Variants in GBE1 observed in about 807,000 individuals in gnomAD.
GBE1 encodes 1,4-alpha-glucan branching enzyme 1, also known as 1,4-alpha-glucan-branching enzyme.
A neutral mutation model predicts 88.8 loss-of-function variants in GBE1; 70 were observed. That is an observed-to-expected ratio of 0.79 (90% CI 0.65 to 0.96). GBE1 has a LOEUF of 0.96. GBE1 is among the 40% of genes least tolerant of loss of function. The probability of loss-of-function intolerance (pLI) is 0.00; values close to 1 mark genes in which losing one functional copy is unlikely to be tolerated. For missense variants in GBE1, 872 were observed against 871.0 expected (o/e 1.00, Z -0.01); for synonymous variants, 284 against 300.1 (o/e 0.95, Z 0.56).
intron 14 of GBE1, among the ~76,000 whole-genome samples, chr3:81,529,972 C>CT (rs1284956255): frequency 1.3e-5 from 2 of 151,702 alleles, no homozygotes; most frequent in Admixed American, 6.6e-5. Flanking sequence ...TTTAGATTTG[C>CT]TTTTTTGAGG....
intron 12 of GBE1, among the ~76,000 whole-genome samples, chr3:81,566,770 T>C (rs908553141): frequency 3.9e-5 from 6 of 152,148 alleles, no homozygotes; most frequent in South Asian, 2.1e-4. Flanking sequence ...TTCACCTGTA[T>C]TCATTTTTGT....
rs1303031347 is a variant in GBE1, at chr3:81,499,114, A to G, written c.2048T>C (p.Leu683Pro). 2 of 1,555,372 alleles carry G rather than the reference A, an allele frequency of 1.3e-6. No homozygotes were observed. The highest frequency in any genetic ancestry group is 1.1e-5 in the South Asian group (1 of 87,930). The stretch of plus-strand genomic sequence containing the variant: ...TATGTTGAGAAACTTACTTACCAAA[A>G]GAGAATAGGGACGCCCATTATGTTC... ...AFEHNGRPYS[L>P]LVYIPSRVAL... The change falls in exon 15 of 16, where the codon CTT (leucine) becomes CCT (proline). Residue 683 changes from leucine (L) to proline (P), a missense_variant. By Grantham distance (98) the Leu-to-Pro change is moderately conservative. Coordinates refer to ENST00000429644, the MANE Select transcript of GBE1 (RefSeq NM_000158.4).
chr3:81,624,713 G>T (rs1704387233), intron 7 of GBE1, among the ~76,000 whole-genome samples: 1 of 151,980 alleles, frequency 6.6e-6, no homozygotes, highest in Non-Finnish European at 1.5e-5. Flanking sequence ...ATATTTATTT[G>T]AGCCAGTTCA....
At chr3:81,521,212 T>A (rs1702870110) in intron 14 of GBE1, among the ~76,000 whole-genome samples, 1 of 151,586 alleles carries the variant, frequency 6.6e-6, no homozygotes, top group Admixed American at 6.6e-5. Flanking sequence ...ATGTTACCTA[T>A]AGCAGGGTTA....
chr3:81,638,385 C>T (rs569580922), intron 7 of GBE1, among the ~76,000 whole-genome samples: 4 of 152,062 alleles, frequency 2.6e-5, no homozygotes, highest in Non-Finnish European at 5.9e-5. Context: ...ATTTAACGAA[C>T]AAAAGATATT....
At chr3:81,496,793 G>A (rs558119199) in intron 15 of GBE1, among the ~76,000 whole-genome samples, 8 of 151,856 alleles carry the variant, frequency 5.3e-5, no homozygotes, top group East Asian at 3.8e-4. Context: ...TATTTTACTC[G>A]TCTGTGTGGG....
rs571351829 is a variant in GBE1 at position 81,748,848 on chromosome 3, A to C, written c.143+12527T>G. Among the ~76,000 whole-genome samples, 761 of 151,906 alleles carry C rather than the reference A, an allele frequency of 5.0e-3. 2 individuals are homozygous for C. The highest frequency in any genetic ancestry group is 0.018 in the African/African-American group (730 of 41,432). ...ATGGTGAAACCCCGTCTCTACTAAA[A>C]ATACAAAAATTAGCTGGGCATGGTG... On this transcript the variant is annotated intron_variant, in intron 1 of 15. Coordinates refer to ENST00000429644, the MANE Select transcript of GBE1 (RefSeq NM_000158.4).
intron 1 of GBE1, among the ~76,000 whole-genome samples, chr3:81,717,056 C>T (rs775257985): frequency 2.0e-5 from 3 of 152,200 alleles, no homozygotes; most frequent in Non-Finnish European, 4.4e-5. Flanking sequence ...TTTCCAGTCA[C>T]GCTCCTGTTC....
At chr3:81,712,556 C>G (rs1242036646) in intron 1 of GBE1, among the ~76,000 whole-genome samples, 2 of 151,714 alleles carry the variant, frequency 1.3e-5, no homozygotes, top group African/African-American at 4.8e-5. Context: ...GGACAAAAAA[C>G]CAAACACCGC....
intron 7 of GBE1, among the ~76,000 whole-genome samples, chr3:81,623,376 G>A (rs903573489): frequency 1.3e-5 from 2 of 152,106 alleles, no homozygotes; most frequent in South Asian, 2.1e-4. Context: ...TTTTCAGAAC[G>A]CTTATCTTGA....
At chr3:81,666,594 A>G (rs1238559577) in intron 3 of GBE1, among the ~76,000 whole-genome samples, 4 of 152,120 alleles carry the variant, frequency 2.6e-5, no homozygotes, top group Non-Finnish European at 5.9e-5. Flanking sequence ...AATCTATTCC[A>G]GAGAAAAATA....
chr3:81,650,914 G>A (rs1203585589), intron 3 of GBE1, among the ~76,000 whole-genome samples: 1 of 152,168 alleles, frequency 6.6e-6, no homozygotes, highest in Non-Finnish European at 1.5e-5. Flanking sequence ...GGGCTCAAGT[G>A]ATCCTCCTGT....
At chr3:81,740,512 A>G (rs1481481267) in intron 1 of GBE1, among the ~76,000 whole-genome samples, 3 of 152,044 alleles carry the variant, frequency 2.0e-5, no homozygotes, top group Non-Finnish European at 4.4e-5. Context: ...TCTAATTATT[A>G]TTTTTCTCAT....
At position 81,761,413 on chromosome 3, in the gene GBE1, G is replaced by A. The variant is rs1559712501; in HGVS notation, c.105C>T (p.Asp35=). 2 of 1,613,300 alleles carry A rather than the reference G, an allele frequency of 1.2e-6. No homozygotes were observed. The highest frequency in any genetic ancestry group is 1.3e-5 in the African/African-American group (1 of 74,848). The change falls in exon 1 of 16, where the codon GAC becomes GAT. Residue 35 remains aspartate (D), a synonymous_variant. Coordinates refer to ENST00000429644, the MANE Select transcript of GBE1 (RefSeq NM_000158.4). ...VPELARLLEI[D]PYLKPYAVDF... is the part of the protein sequence containing the mutation. Reference sequence around the variant, plus strand: ...CCACGGCGTAGGGCTTCAAGTACGGGTCGATCTCCAGGAGTCTGGCCAGTT... The same window carrying A: ...CCACGGCGTAGGGCTTCAAGTACGGATCGATCTCCAGGAGTCTGGCCAGTT...
chr3:81,659,225 T>A (rs1559679000), intron 3 of GBE1, among the ~76,000 whole-genome samples: 1 of 152,110 alleles, frequency 6.6e-6, no homozygotes, highest in East Asian at 1.9e-4. Flanking sequence ...ATAGGATGAG[T>A]TGAAGTTCTT....
chr3:81,569,574 T>A (rs1013150697), intron 12 of GBE1, among the ~76,000 whole-genome samples: 11 of 152,302 alleles, frequency 7.2e-5, no homozygotes, highest in African/African-American at 2.6e-4. Context: ...TCACATGACC[T>A]CAGCAGGCTT....
intron 1 of GBE1, among the ~76,000 whole-genome samples, chr3:81,748,708 T>C (rs1049079448): frequency 6.6e-6 from 1 of 152,066 alleles, no homozygotes; most frequent in Middle Eastern, 3.2e-3. Context: ...CTTGTACAGA[T>C]ACTGTAGAAA....
intron 14 of GBE1, among the ~76,000 whole-genome samples, chr3:81,532,530 G>T (rs1187052767): frequency 2.0e-5 from 3 of 151,708 alleles, no homozygotes; most frequent in East Asian, 3.9e-4. Flanking sequence ...TATCTTTTAG[G>T]TGTACTGCAA....
At chr3:81,509,378 T>C (rs569107033) in intron 14 of GBE1, 2 of 151,138 alleles carry the variant, frequency 1.3e-5, no homozygotes, top group African/African-American at 4.8e-5. Flanking sequence ...CAATCCTACC[T>C]GAAAATTAAA....
Sources: allele counts gnomAD v4.1 joint callset (sites outside exome capture counted in the v4.1 genomes callset), GRCh38; gene constraint gnomAD v4.1.1; transcripts MANE v1.5; gene names NCBI Gene and HGNC (gene_info 2026-07-23, HGNC 2026-07-21).